GRIK3: variants seen among roughly 807,000 people sequenced by gnomAD.
The protein encoded by GRIK3 is glutamate receptor ionotropic, kainate 3.
In GRIK3, 29 loss-of-function variants were observed where a neutral mutation model predicts 102.5. The ratio of observed to expected loss-of-function variants is 0.28; its 90% CI spans 0.21 to 0.39. The LOEUF is 0.39. Ranked by LOEUF, GRIK3 falls within the 10% of genes least tolerant of loss-of-function variation. The probability of loss-of-function intolerance (pLI) is 1.00; values close to 1 mark genes in which losing one functional copy is unlikely to be tolerated. For missense variants in GRIK3, 908 were observed against 1,252.4 expected (o/e 0.73, Z 4.15); for synonymous variants, 511 against 504.9 (o/e 1.01, Z -0.16).
Position 36,880,886 on chromosome 1 carries a change from C to T in GRIK3, c.298G>A (p.Asp100Asn). Residue 100 changes from aspartate (D) to asparagine (N), a missense_variant, in exon 3 of 16, where the codon GAC becomes AAC. Asp to Asn is a conservative substitution (Grantham distance 23). This residue lies in a region of GRIK3 where 585 missense variants were observed against 824.9 expected (regional missense o/e 0.71). Coordinates refer to ENST00000373091, the MANE Select transcript of GRIK3 (RefSeq NM_000831.4). This position sits in a 1 kb window ranked among gnomAD's most constrained non-coding sequence, Gnocchi z 5.4. ...DSFEATKKAC[D>N]QLALGVVAIF... is the part of the protein sequence containing the mutation. ...GCCACCACGCCCAGTGCCAGCTGGT[C>T]ACAGGCTGCAACAGAGGGTAGGGCA... 6.2e-7 allele frequency: 1 copy of T among 1,604,374 alleles called. No homozygotes were observed.
At chr1:36,935,378 C>T (rs1430796373) in intron 1 of GRIK3, among the ~76,000 whole-genome samples, 1 of 152,162 alleles carries the variant, frequency 6.6e-6, no homozygotes, top group Admixed American at 6.5e-5. Context: ...AACACATTGC[C>T]TGACCTTCTT....
At chr1:36,946,845 G>A (rs928926868) in intron 1 of GRIK3, among the ~76,000 whole-genome samples, 7 of 152,116 alleles carry the variant, frequency 4.6e-5, no homozygotes, top group African/African-American at 7.2e-5. Context: ...CCCCGACACT[G>A]TCTCCACCCC....
At chr1:36,999,891 G>A (rs750012687) in intron 1 of GRIK3, among the ~76,000 whole-genome samples, 3 of 152,186 alleles carry the variant, frequency 2.0e-5, no homozygotes, top group Non-Finnish European at 4.4e-5. Context: ...CAGCTACTTG[G>A]GAGGCTGAGG....
At chr1:36,953,777 G>A (rs1334851658) in intron 1 of GRIK3, among the ~76,000 whole-genome samples, 2 of 152,056 alleles carry the variant, frequency 1.3e-5, no homozygotes, top group African/African-American at 4.8e-5. Context: ...CAGGTGGTGA[G>A]AGATGCTCAG....
chr1:36,802,016 C>A lies in GRIK3; in HGVS notation c.2595G>T (p.Glu865Asp). 6.2e-7 allele frequency: 1 copy of A among 1,613,266 alleles called. No homozygotes were observed. The highest frequency in any genetic ancestry group is 8.5e-7 in the Non-Finnish European group (1 of 1,179,636). The change falls in exon 16 of 16, where the codon GAG (glutamate) becomes GAT (aspartate). Residue 865 changes from glutamate (E) to aspartate (D), a missense_variant. Around this residue, in one of 3 missense-constraint regions of GRIK3, gnomAD observed 297 missense variants for 362.7 expected, o/e 0.82. Coordinates refer to ENST00000373091, the MANE Select transcript of GRIK3 (RefSeq NM_000831.4). ...GCTGGCAGGTAAGGGAGAAACGGAT[C>A]TCATCGGCCACGGTGCTGCAGAAGG... ...QRSFCSTVAD[E>D]IRFSLTCQRR... is the part of the protein sequence containing the mutation.
At chr1:36,824,028 C>A (rs1354940387) in intron 11 of GRIK3, among the ~76,000 whole-genome samples, 1 of 152,116 alleles carries the variant, frequency 6.6e-6, no homozygotes, top group Non-Finnish European at 1.5e-5. Flanking sequence ...CTCTTCCTAG[C>A]TCGGCGGCCA....
intron 3 of GRIK3, among the ~76,000 whole-genome samples, chr1:36,877,020 C>T (rs1442961905): frequency 1.3e-5 from 2 of 152,158 alleles, no homozygotes; most frequent in African/African-American, 4.8e-5. Flanking sequence ...TAATTGTATT[C>T]CAGAGGAGTG....
At chr1:36,945,928 C>T (rs981458221) in intron 1 of GRIK3, among the ~76,000 whole-genome samples, 20 of 152,148 alleles carry the variant, frequency 1.3e-4, no homozygotes, top group Middle Eastern at 3.2e-3. Context: ...GGGGGACCTA[C>T]GTTCTGGAGC....
chr1:36,978,032 G>C (rs1371004051), intron 1 of GRIK3, among the ~76,000 whole-genome samples: 1 of 152,232 alleles, frequency 6.6e-6, no homozygotes, highest in Non-Finnish European at 1.5e-5. Flanking sequence ...CAGCATAAAC[G>C]AATGCATTAT....
chr1:36,983,407 C>T (rs1642270524), intron 1 of GRIK3, among the ~76,000 whole-genome samples: 1 of 152,098 alleles, frequency 6.6e-6, no homozygotes, highest in South Asian at 2.1e-4. Flanking sequence ...GCATGCATAC[C>T]CCTTCTGGCA....
At chr1:36,991,614 G>A (rs1307097119) in intron 1 of GRIK3, among the ~76,000 whole-genome samples, 2 of 152,222 alleles carry the variant, frequency 1.3e-5, no homozygotes, top group East Asian at 3.8e-4. Context: ...GGGAGAGACT[G>A]GAACGCCAAC....
chr1:36,816,984 C>G (rs1205922074), intron 13 of GRIK3, 76 bp downstream of exon 13: 43 of 1,002,094 alleles, frequency 4.3e-5, no homozygotes, highest in Non-Finnish European at 6.5e-5. Flanking sequence ...ACAGAGACCC[C>G]CTTTCCTCTT....
At chr1:36,859,382 T>C in intron 6 of GRIK3, 131 bp from the exon 7 acceptor site, 1 of 966,134 alleles carries the variant, frequency 1.0e-6, no homozygotes, top group Non-Finnish European at 1.5e-6. Flanking sequence ...CCAGAGGCCC[T>C]GGAGGTGACT....
At chr1:37,024,856 AT>A (rs2124083183) in intron 1 of GRIK3, among the ~76,000 whole-genome samples, 1 of 152,108 alleles carries the variant, frequency 6.6e-6, no homozygotes, top group African/African-American at 2.4e-5. Flanking sequence ...TATCCTCAAG[AT>A]TAGATTGAGA....
chr1:36,945,914 C>G (rs1186494780), intron 1 of GRIK3, among the ~76,000 whole-genome samples: 1 of 152,166 alleles, frequency 6.6e-6, no homozygotes, highest in African/African-American at 2.4e-5. Flanking sequence ...CTGTTGTGCT[C>G]CAAGGGGGAC....
chr1:36,859,060 C>T (rs769188776), intron 7 of GRIK3, 48 bp downstream of exon 7: 9 of 1,498,802 alleles, frequency 6.0e-6, no homozygotes, highest in African/African-American at 1.4e-5. Flanking sequence ...CTCTACAGGG[C>T]CCACAGTCCC....
chr1:36,959,034 GCC>G lies in GRIK3; in HGVS notation c.116-67940_116-67939del, dbSNP rs1283583243. The stretch of plus-strand genomic sequence containing the variant: ...GACTCTGTGCCCCATGAGCCTGTGT[GCC>G]CTGTGAGTCTGTGTGCCCTGTGAGC... On this transcript the variant is annotated intron_variant, in intron 1 of 15. Transcript: ENST00000373091. Among the ~76,000 whole-genome samples the G allele has an allele frequency of 5.9e-4, 59 of 99,266 alleles. 3 individuals are homozygous for G. The highest frequency in any genetic ancestry group is 4.3e-4 in the Non-Finnish European group (18 of 41,950). The allele number at this position is 99,266 out of a possible 152,430, so 65.1% of individuals were successfully genotyped here. A position where few individuals can be genotyped will look rare whatever the true frequency, so the allele number is the denominator to read the frequency against.
intron 5 of GRIK3, 39 bp from the exon 6 acceptor site, chr1:36,860,056 A>C: frequency 8.8e-6 from 13 of 1,470,452 alleles, no homozygotes; most frequent in Non-Finnish European, 1.2e-5. Context: ...AGGCATGCTC[A>C]CTGCTGAGAA....
chr1:36,847,274 C>A (rs575634192), intron 9 of GRIK3, among the ~76,000 whole-genome samples: 1 of 152,324 alleles, frequency 6.6e-6, no homozygotes, highest in South Asian at 2.1e-4. Context: ...AGGCTGCAAA[C>A]CCTAATGCCT....
Sources: allele counts gnomAD v4.1 joint callset (sites outside exome capture counted in the v4.1 genomes callset), GRCh38; gene constraint gnomAD v4.1.1; regional missense constraint gnomAD v4.1.1; non-coding constraint Gnocchi (gnomAD v3.1); transcripts MANE v1.5; gene names NCBI Gene and HGNC (gene_info 2026-07-23, HGNC 2026-07-21).